Variants in GPC5 observed in about 807,000 individuals in gnomAD.
The protein encoded by GPC5 is glypican 5, also known as glypican-5.
In GPC5, 47 loss-of-function variants were observed where a neutral mutation model predicts 53.9. The observed-to-expected ratio is 0.87, with a 90% CI of 0.69 to 1.11. The LOEUF is 1.11. GPC5 is among the 50% of genes most tolerant of loss of function. The pLI, the probability that GPC5 is intolerant of heterozygous loss-of-function variation, is 0.00. For missense variants in GPC5, 748 were observed against 713.1 expected (o/e 1.05, Z -0.56); for synonymous variants, 286 against 263.3 (o/e 1.09, Z -0.84).
intron 7 of GPC5, among the ~76,000 whole-genome samples, chr13:92,511,631 A>AT (rs1268355499): frequency 6.6e-6 from 1 of 151,878 alleles, no homozygotes; most frequent in Non-Finnish European, 1.5e-5. Context: ...GTGCTCTCAT[A>AT]TTTTTCCCAC....
At chr13:91,549,932 G>A (rs2030528009) in intron 2 of GPC5, among the ~76,000 whole-genome samples, 1 of 152,142 alleles carries the variant, frequency 6.6e-6, no homozygotes, top group South Asian at 2.1e-4. Context: ...GAAAACTTAT[G>A]TATGTACAAA....
intron 7 of GPC5, among the ~76,000 whole-genome samples, chr13:92,824,219 C>A (rs1445809079): frequency 1.3e-5 from 2 of 151,586 alleles, no homozygotes; most frequent in Admixed American, 1.3e-4. Flanking sequence ...TTCCACCTAC[C>A]TAGTCAGTAC....
At position 91,826,650 on chromosome 13, in the gene GPC5, G is replaced by A. The variant is rs563498473; in HGVS notation, c.1280+70230G>A. On this transcript the variant is annotated intron_variant, in intron 5 of 7. Transcript: ENST00000377067. ...ATTTGACATCAAAGTTTAAATTAAA[G>A]TCAGAGTATTCAGTAGTGTATGGAA... 9.5e-4 allele frequency among the ~76,000 whole-genome samples: 145 copies of A among 152,144 alleles called. 2 individuals are homozygous for A. Among genetic ancestry groups the A allele is most frequent in the Non-Finnish European group, 1.0e-3 (69 of 67,966 alleles).
At chr13:92,516,280 A>G (rs1256938914) in intron 7 of GPC5, among the ~76,000 whole-genome samples, 1 of 152,198 alleles carries the variant, frequency 6.6e-6, no homozygotes, top group African/African-American at 2.4e-5. Flanking sequence ...AATAGTTAAC[A>G]TATTAGTAAT....
At chr13:91,542,039 G>A (rs202150017) in intron 2 of GPC5, among the ~76,000 whole-genome samples, 1 of 37,594 alleles carries the variant, frequency 2.7e-5, no homozygotes, top group South Asian at 1.6e-3. Context: ...TATTAATAAT[G>A]TATTAATATT....
intron 4 of GPC5, among the ~76,000 whole-genome samples, chr13:91,755,753 G>T (rs1403315170): frequency 6.6e-6 from 1 of 151,968 alleles, no homozygotes; most frequent in Non-Finnish European, 1.5e-5. Context: ...GTCATATTTA[G>T]TAAAGACATT....
In GPC5 at chr13:91,399,063, G is replaced by T. The variant is rs746384045; in HGVS notation, c.17G>T (p.Trp6Leu). 8.3e-6 allele frequency: 13 copies of T among 1,563,674 alleles called. No homozygotes were observed. The highest frequency in any genetic ancestry group is 1.7e-4 in the Middle Eastern group (1 of 6,004). Residue 6 changes from tryptophan to leucine, a missense_variant, in exon 1 of 8, where the codon TGG becomes TTG. Trp to Leu is a moderately conservative substitution (Grantham distance 61, BLOSUM62 -2). Coordinates refer to ENST00000377067, the MANE Select transcript of GPC5 (RefSeq NM_004466.6). The part of the protein sequence containing the change: MDAQT[W>L]PVGFRCLLLL... Reference sequence around the variant, plus strand: ...ACGGCGAGGATGGACGCACAGACCTGGCCCGTGGGCTTTCGCTGCCTCCTC... The same window carrying T: ...ACGGCGAGGATGGACGCACAGACCTTGCCCGTGGGCTTTCGCTGCCTCCTC...
At position 92,674,824 on chromosome 13, in the gene GPC5, A is replaced by G. The variant is rs138846261; in HGVS notation, c.1562-191458A>G. 7.0e-3 allele frequency among the ~76,000 whole-genome samples: 1,068 copies of G among 152,264 alleles called. 10 individuals carry two copies. The highest frequency in any genetic ancestry group is 0.044 in the Middle Eastern group (13 of 294). On this transcript the variant is annotated intron_variant, in intron 7 of 7. Transcript: ENST00000377067. ...TATTTCTTTCAGAACCTCACTTTAG[A>G]GAGAAAATAGCAAAAATTCAGCATC...
intron 6 of GPC5, among the ~76,000 whole-genome samples, chr13:92,007,758 T>C (rs2040620348): frequency 6.6e-6 from 1 of 152,192 alleles, no homozygotes; most frequent in Non-Finnish European, 1.5e-5. Context: ...TAATCTGTTC[T>C]AGCTTGTTCT....
chr13:92,445,752 C>G (rs148379110), intron 7 of GPC5, among the ~76,000 whole-genome samples: 21 of 151,766 alleles, frequency 1.4e-4, no homozygotes, highest in Admixed American at 1.4e-3. Context: ...TCTTTGCTAT[C>G]GTGAATAATG....
At chr13:91,551,941 T>C (rs1455779050) in intron 2 of GPC5, among the ~76,000 whole-genome samples, 5 of 152,048 alleles carry the variant, frequency 3.3e-5, no homozygotes, top group African/African-American at 1.2e-4. Flanking sequence ...TAAGTACATA[T>C]TTTACATACT....
intron 7 of GPC5, among the ~76,000 whole-genome samples, chr13:92,616,530 T>A (rs1884696693): frequency 6.6e-6 from 1 of 152,200 alleles, no homozygotes; most frequent in Admixed American, 6.5e-5. Flanking sequence ...AAATACTGAA[T>A]AAAATTAGCA....
chr13:92,211,577 G>A (rs973422018), intron 7 of GPC5, among the ~76,000 whole-genome samples: 3 of 152,246 alleles, frequency 2.0e-5, no homozygotes, highest in Non-Finnish European at 2.9e-5. Context: ...GGCTTTCCAA[G>A]TGTGTCCAGC....
intron 7 of GPC5, among the ~76,000 whole-genome samples, chr13:92,589,768 T>C (rs930411182): frequency 2.0e-5 from 3 of 152,246 alleles, no homozygotes; most frequent in African/African-American, 7.2e-5. Flanking sequence ...CCACATAGGA[T>C]TCAGAGTTAG....
chr13:91,576,465 AAAGT>A (rs1333526405), intron 2 of GPC5, among the ~76,000 whole-genome samples: 2 of 152,174 alleles, frequency 1.3e-5, no homozygotes, highest in African/African-American at 4.8e-5. Context: ...AAAACAACTT[AAAGT>A]AAGTATATTG....
chr13:92,498,366 T>G (rs1467868193), intron 7 of GPC5, among the ~76,000 whole-genome samples: 1 of 152,096 alleles, frequency 6.6e-6, no homozygotes, highest in Non-Finnish European at 1.5e-5. Flanking sequence ...ACTTGAGGCA[T>G]TTTTCCCTTT....
intron 7 of GPC5, among the ~76,000 whole-genome samples, chr13:92,785,941 G>A (rs144364745): frequency 1.3e-5 from 2 of 152,306 alleles, no homozygotes; most frequent in East Asian, 3.9e-4. Flanking sequence ...CACATGAGAA[G>A]TTACACGTAA....
intron 2 of GPC5, among the ~76,000 whole-genome samples, chr13:91,535,939 A>T (rs1886571675): frequency 6.6e-6 from 1 of 152,240 alleles, no homozygotes; most frequent in Non-Finnish European, 1.5e-5. Context: ...TTAAATAAAT[A>T]GCTAATGCTA....
chr13:91,778,740 C>T lies in GPC5; in HGVS notation c.1280+22320C>T, dbSNP rs572245398. Among the ~76,000 whole-genome samples, 19 of 152,250 alleles carry T rather than the reference C, an allele frequency of 1.2e-4. No homozygotes were observed. In the East Asian group the frequency reaches 3.1e-3, roughly 25 times the overall value. On this transcript the variant is annotated intron_variant, in intron 5 of 7. Transcript: ENST00000377067. ...GTGTATACTTTATTCTCAATCATCA[C>T]GTAACTAATTACAGTCATGCGTCAC... is the stretch of plus-strand genomic sequence containing the variant.
Sources: allele counts gnomAD v4.1 joint callset (sites outside exome capture counted in the v4.1 genomes callset), GRCh38; gene constraint gnomAD v4.1.1; transcripts MANE v1.5; gene names NCBI Gene and HGNC (gene_info 2026-07-23, HGNC 2026-07-21).